Variants in FZR1 observed in about 807,000 individuals in gnomAD.
FZR1 encodes the protein fizzy-related protein homolog.
In FZR1, 11 loss-of-function variants were observed where a neutral mutation model predicts 63.6. The ratio of observed to expected loss-of-function variants is 0.17; its 90% CI spans 0.11 to 0.29. The LOEUF (loss-of-function observed/expected upper bound fraction) is 0.29, where lower values mean the gene tolerates loss of function less well. Among genes scored for constraint, FZR1 ranks in the 10% least tolerant of loss-of-function variants. FZR1 has a pLI of 1.00. For synonymous variants in FZR1, 328 were observed against 297.9 expected, an observed-to-expected ratio of 1.10 and a Z score of -1.04; for missense variants, 440 against 687.5, an observed-to-expected ratio of 0.64 and a Z score of 4.03.
chr19:3,523,073 C>T lies in FZR1; in HGVS notation c.69+15C>T, dbSNP rs757094303. The T allele has an allele frequency of 1.3e-6, 2 of 1,542,692 alleles. No individual in the cohort carries two copies. The highest frequency in any genetic ancestry group is 1.8e-6 in the Non-Finnish European group (2 of 1,116,022). On this transcript the variant is annotated intron_variant, in intron 2 of 13. Coordinates refer to ENST00000441788, the MANE Select transcript of FZR1 (RefSeq NM_016263.4). Reference sequence around the variant, plus strand: ...CGATGCCACGCGTGAGTGCCCCCGCCCTGCCCACCACTGTGGCTCCCCCTC... The same window carrying T: ...CGATGCCACGCGTGAGTGCCCCCGCTCTGCCCACCACTGTGGCTCCCCCTC...
chr19:3,526,276 G>A lies in FZR1; in HGVS notation c.277G>A (p.Ala93Thr). The change falls in exon 5 of 14, where the codon GCC becomes ACC. Residue 93 changes from alanine to threonine, a missense_variant. Around this residue, in one of 5 missense-constraint regions of FZR1, gnomAD observed 200 missense variants for 245.1 expected, o/e 0.82. Coordinates refer to ENST00000441788, the MANE Select transcript of FZR1 (RefSeq NM_016263.4). This position sits in a 1 kb window ranked among gnomAD's most constrained non-coding sequence, Gnocchi z 5.4. ...DNGKDGLAYS[A>T]LLKNELLGAG... ...GCCCGCAGACGGCCTGGCCTACTCT[G>A]CCCTGCTCAAGAATGAGCTGCTGGG... 1.2e-6 allele frequency: 2 copies of A among 1,610,762 alleles called. No individual in the cohort carries two copies. The highest frequency in any genetic ancestry group is 2.2e-5 in the East Asian group (1 of 44,790).
At chr19:3,508,979 G>T (rs1332154842) in intron 1 of FZR1, among the ~76,000 whole-genome samples, 1 of 152,198 alleles carries the variant, frequency 6.6e-6, no homozygotes. Context: ...CGGGCCCCCT[G>T]TTGGCACTGC....
chr19:3,506,979 G>A (rs1232012132), intron 1 of FZR1, among the ~76,000 whole-genome samples: 1 of 152,086 alleles, frequency 6.6e-6, no homozygotes, highest in Non-Finnish European at 1.5e-5. Context: ...GTGTGCGATG[G>A]CTCGCCCAGG....
intron 6 of FZR1, 36 bp from the exon 7 acceptor site, chr19:3,527,595 C>A: frequency 6.4e-7 from 1 of 1,558,634 alleles, no homozygotes; most frequent in Non-Finnish European, 8.7e-7. Flanking sequence ...GACCCAAGTG[C>A]CGTGGCTCAC....
chr19:3,534,319 C>T, intron 12 of FZR1, 102 bp from the exon 13 acceptor site: 1 of 627,830 alleles, frequency 1.6e-6, no homozygotes. Context: ...GTCTGGGGGG[C>T]CCAGCCACCC....
chr19:3,527,825 C>T lies in FZR1; in HGVS notation c.654+11C>T, dbSNP rs760683058. ...GCCTGTACCAGCCAGGTGGGTGCTG[C>T]GTGGGGTGTGCATGTGCATGGGGGC... On this transcript the variant is annotated intron_variant, in intron 7 of 13. Coordinates refer to ENST00000441788, the MANE Select transcript of FZR1 (RefSeq NM_016263.4). The T allele has an allele frequency of 1.4e-5, 23 of 1,600,930 alleles. No homozygotes were observed. Among genetic ancestry groups the T allele is most frequent in the African/African-American group, 9.4e-5 (7 of 74,818 alleles).
intron 10 of FZR1, 22 bp from the exon 11 acceptor site, chr19:3,532,395 C>T (rs1185857666): frequency 1.3e-6 from 2 of 1,563,886 alleles, no homozygotes; most frequent in Admixed American, 3.7e-5. Context: ...ACAGCCCCGG[C>T]CTCACAGCCC....
In FZR1 at chr19:3,526,854, G is replaced by C; in HGVS notation, c.388-126G>C. ...GGAAGGCGCCTGCCTTTTTACAGCT[G>C]CTCCACACAGGGTCTCAGCACCTGC... On this transcript the variant is annotated intron_variant, in intron 5 of 13. Transcript: ENST00000441788. This position sits in a 1 kb window ranked among gnomAD's most constrained non-coding sequence, Gnocchi z 5.4. 1.4e-6 allele frequency: 1 copy of C among 694,216 alleles called. No individual in the cohort carries two copies. Among genetic ancestry groups the C allele is most frequent in the East Asian group, 2.6e-5 (1 of 38,476 alleles). The allele number at this position is 694,216 out of a possible 1,614,324, so 43.0% of individuals were successfully genotyped here. A position where few individuals can be genotyped will look rare whatever the true frequency, so the allele number is the denominator to read the frequency against.
chr19:3,525,030 G>A lies in FZR1; in HGVS notation c.70-838G>A, dbSNP rs879537087. On this transcript the variant is annotated intron_variant, in intron 2 of 13. Transcript: ENST00000441788. The surrounding 1 kb of genome is among the most constrained non-coding windows in gnomAD (Gnocchi z 4.2). The stretch of plus-strand genomic sequence containing the variant: ...AGACCCCTCATAGAAAAAAGACGGC[G>A]CGGGGACAGTCAGATGGGGTTGGAG... Among the ~76,000 whole-genome samples, 2 of 152,100 alleles carry A rather than the reference G, an allele frequency of 1.3e-5. No homozygotes were observed. Among genetic ancestry groups the A allele is most frequent in the Admixed American group, 6.6e-5 (1 of 15,266 alleles).
intron 1 of FZR1, among the ~76,000 whole-genome samples, chr19:3,518,170 A>G (rs980786748): frequency 6.6e-6 from 1 of 152,022 alleles, no homozygotes; most frequent in Non-Finnish European, 1.5e-5. Flanking sequence ...ATATGCCACC[A>G]TGCCCAGCTA....
chr19:3,517,273 G>T (rs761062245), intron 1 of FZR1, among the ~76,000 whole-genome samples: 3 of 152,032 alleles, frequency 2.0e-5, no homozygotes, highest in Admixed American at 6.5e-5. Flanking sequence ...ACCTGTGGTC[G>T]CAGCTCCTCC....
chr19:3,519,360 T>C (rs1011938507), intron 1 of FZR1, among the ~76,000 whole-genome samples: 2 of 152,208 alleles, frequency 1.3e-5, no homozygotes, highest in African/African-American at 2.4e-5. Flanking sequence ...GCTGGCTGCA[T>C]GGGGCTTGTG....
chr19:3,521,437 A>G (rs1465188444), intron 1 of FZR1: 1 of 151,720 alleles, frequency 6.6e-6, no homozygotes, highest in Non-Finnish European at 1.5e-5. Context: ...AAGATGAGAA[A>G]GTTCTAGAGA....
Position 3,522,983 on chromosome 19 carries a change from C to T in FZR1, c.-7C>T, listed in dbSNP as rs754927611. On this transcript the variant is annotated 5_prime_UTR_variant, in exon 2 of 14. Transcript: ENST00000441788. Reference sequence around the variant, plus strand: ...TAACCTTGCCGCGGGCCGAGCCCTGCCTCGCCATGGACCAGGACTATGAGC... The same window carrying T: ...TAACCTTGCCGCGGGCCGAGCCCTGTCTCGCCATGGACCAGGACTATGAGC... 6.2e-6 allele frequency: 10 copies of T among 1,606,142 alleles called. No homozygotes were observed. Among genetic ancestry groups the T allele is most frequent in the Non-Finnish European group, 8.5e-6 (10 of 1,173,748 alleles).
intron 1 of FZR1, among the ~76,000 whole-genome samples, chr19:3,512,826 T>G (rs1398710158): frequency 6.6e-6 from 1 of 152,052 alleles, no homozygotes; most frequent in Non-Finnish European, 1.5e-5. Flanking sequence ...ATTAGTGGGA[T>G]GAGGTGACGC....
intron 1 of FZR1, among the ~76,000 whole-genome samples, chr19:3,508,490 C>A (rs2083002218): frequency 6.6e-6 from 1 of 152,214 alleles, no homozygotes; most frequent in African/African-American, 2.4e-5. Flanking sequence ...CGCCACCGCG[C>A]TCGGCCTTAC....
At chr19:3,511,713 TG>T (rs1336293682) in intron 1 of FZR1, among the ~76,000 whole-genome samples, 1 of 152,094 alleles carries the variant, frequency 6.6e-6, no homozygotes. Context: ...ATGAATGACG[TG>T]CACGGGGTGT....
At chr19:3,527,151 C>A (rs1599785141) in intron 6 of FZR1, 89 bp downstream of exon 6, 1 of 1,039,352 alleles carries the variant, frequency 9.6e-7, no homozygotes, top group East Asian at 2.4e-5. Flanking sequence ...GCAGCCCTGT[C>A]CCTGCGGGTC....
At chr19:3,523,191 A>C (rs2083120067) in intron 2 of FZR1, 133 bp downstream of exon 2, 1 of 710,830 alleles carries the variant, frequency 1.4e-6, no homozygotes, top group African/African-American at 1.7e-5. Flanking sequence ...CCCAGGTCAC[A>C]CGGGGCCTCC....
Sources: allele counts gnomAD v4.1 joint callset (sites outside exome capture counted in the v4.1 genomes callset), GRCh38; gene constraint gnomAD v4.1.1; regional missense constraint gnomAD v4.1.1; non-coding constraint Gnocchi (gnomAD v3.1); transcripts MANE v1.5; gene names NCBI Gene and HGNC (gene_info 2026-07-23, HGNC 2026-07-21).